The following APCDD1 variants were observed in gnomAD, a reference collection of about 807,000 sequenced individuals.
APCDD1 encodes the protein protein APCDD1.
In APCDD1, 15 loss-of-function variants were observed where a neutral mutation model predicts 38.1. That is an observed-to-expected ratio of 0.39 (90% CI 0.26 to 0.61). The LOEUF (loss-of-function observed/expected upper bound fraction) is 0.61. Ranked by LOEUF, APCDD1 falls within the 20% of genes least tolerant of loss-of-function variation. The pLI, the probability that APCDD1 is intolerant of heterozygous loss-of-function variation, is 0.49. For synonymous variants in APCDD1, 261 were observed against 279.7 expected, an observed-to-expected ratio of 0.93 and a Z score of 0.67; for missense variants, 647 against 696.2, an observed-to-expected ratio of 0.93 and a Z score of 0.79.
intron 3 of APCDD1, among the ~76,000 whole-genome samples, chr18:10,480,160 G>T (rs2031101068): frequency 1.3e-5 from 2 of 152,154 alleles, no homozygotes; most frequent in Admixed American, 1.3e-4. Context: ...GTGAGCCTGG[G>T]AGAGGACACT....
At chr18:10,463,763 G>C (rs1180270432) in intron 1 of APCDD1, among the ~76,000 whole-genome samples, 1 of 152,148 alleles carries the variant, frequency 6.6e-6, no homozygotes. Flanking sequence ...ATTTAATTTT[G>C]CTCCTTAAGA....
chr18:10,474,117 T>G (rs903090404), intron 3 of APCDD1: 1 of 152,074 alleles, frequency 6.6e-6, no homozygotes, highest in African/African-American at 2.4e-5. Context: ...GGAGATGGGG[T>G]TTCACCATGT....
chr18:10,454,997 C>G lies in APCDD1; in HGVS notation c.16C>G (p.Arg6Gly). 2 of 1,557,884 alleles carry G rather than the reference C, an allele frequency of 1.3e-6. No homozygotes were observed. The highest frequency in any genetic ancestry group is 1.7e-6 in the Non-Finnish European group (2 of 1,151,436). Reference protein sequence around the residue: MSWPRRLLLRYLFPAL... With the variant: MSWPRGLLLRYLFPAL... Reference sequence around the variant, plus strand: ...AGGACTGGAAATGTCCTGGCCGCGCCGCCTCCTGCTCAGATACCTGTTCCC... The same window carrying G: ...AGGACTGGAAATGTCCTGGCCGCGCGGCCTCCTGCTCAGATACCTGTTCCC... Residue 6 changes from arginine to glycine, a missense_variant, in exon 1 of 5, where the codon CGC (arginine) becomes GGC (glycine). Transcript: ENST00000355285.
intron 3 of APCDD1, among the ~76,000 whole-genome samples, chr18:10,473,668 C>G (rs557708425): frequency 1.9e-4 from 29 of 152,270 alleles, no homozygotes; most frequent in African/African-American, 7.0e-4. Context: ...AGGGTGATAC[C>G]TGGACTGGGG....
At position 10,467,037 on chromosome 18, in the gene APCDD1, C is replaced by T. The variant is rs1307527402; in HGVS notation, c.59-1432C>T. ...TACTTAGAGGGAAAATCTGGGAGTT[C>T]AGATACGGAAAATTCTGTCTTCTCA... is the stretch of plus-strand genomic sequence containing the variant. On this transcript the variant is annotated intron_variant, in intron 1 of 4. Coordinates refer to ENST00000355285, the MANE Select transcript of APCDD1 (RefSeq NM_153000.5). The surrounding 1 kb of genome is among the most constrained non-coding windows in gnomAD (Gnocchi z 4.8). Among the ~76,000 whole-genome samples, 1 of 152,178 alleles carries T rather than the reference C, an allele frequency of 6.6e-6. No individual in the cohort carries two copies. The highest frequency in any genetic ancestry group is 1.5e-5 in the Non-Finnish European group (1 of 68,028).
At chr18:10,484,725 T>C (rs2031212076) in intron 3 of APCDD1, among the ~76,000 whole-genome samples, 1 of 152,238 alleles carries the variant, frequency 6.6e-6, no homozygotes, top group African/African-American at 2.4e-5. Context: ...CCAAGGTTCA[T>C]CCCTATTGTA....
At chr18:10,486,128 G>A (rs2143565099) in intron 4 of APCDD1, among the ~76,000 whole-genome samples, 1 of 152,320 alleles carries the variant, frequency 6.6e-6, no homozygotes, top group East Asian at 1.9e-4. Flanking sequence ...AAGGCAGGAG[G>A]ATCTCATGAG....
At chr18:10,484,980 TTTTTG>T (rs781499849) in intron 3 of APCDD1, among the ~76,000 whole-genome samples, 1,853 of 152,270 alleles carry the variant, frequency 0.012, 36 homozygotes, top group African/African-American at 0.04. Context: ...GTTTTGTTGT[TTTTTG>T]TTTTGTTTTG....
Position 10,485,848 on chromosome 18 carries a change from G to T in APCDD1, c.1096+65G>T. ...AACAGCCCTGTGACATTTTTGTGGAGGCAGAGCTGAGGGAAAGGACCTCTT... is the reference window on the plus strand; with the variant it reads ...AACAGCCCTGTGACATTTTTGTGGATGCAGAGCTGAGGGAAAGGACCTCTT... On this transcript the variant is annotated intron_variant, in intron 4 of 4. Coordinates refer to ENST00000355285, the MANE Select transcript of APCDD1 (RefSeq NM_153000.5). This position sits in a 1 kb window ranked among gnomAD's most constrained non-coding sequence, Gnocchi z 5.8. 6.4e-7 allele frequency: 1 copy of T among 1,557,758 alleles called. No individual in the cohort carries two copies.
chr18:10,460,814 T>C (rs1388843113), intron 1 of APCDD1, among the ~76,000 whole-genome samples: 2 of 152,140 alleles, frequency 1.3e-5, no homozygotes. Context: ...TAGCACACCA[T>C]GGGTTTAGGA....
intron 4 of APCDD1, 37 bp from the exon 5 acceptor site, chr18:10,487,553 T>G (rs2143567558): frequency 6.2e-7 from 1 of 1,605,100 alleles, no homozygotes; most frequent in Middle Eastern, 1.7e-4. Context: ...CCACGCCTAC[T>G]CCCTGGAGTC....
In APCDD1 at chr18:10,487,658, G is replaced by A. The variant is rs773767949; in HGVS notation, c.1165G>A (p.Glu389Lys). The A allele has an allele frequency of 6.2e-7, 1 of 1,614,196 alleles. No individual in the cohort carries two copies. The highest frequency in any genetic ancestry group is 1.7e-5 in the Admixed American group (1 of 60,032). The change falls in exon 5 of 5, where the codon GAG becomes AAG. Residue 389 changes from glutamate to lysine, a missense_variant. Physicochemically the swap from Glu to Lys is moderately conservative, Grantham distance 56 (BLOSUM62 1). Coordinates refer to ENST00000355285, the MANE Select transcript of APCDD1 (RefSeq NM_153000.5). ...ACTGCTCAACGTCTTCAACGGGAAT[G>A]AGTGCGGGGCCGAGGGCTCCTGGCA... is the stretch of plus-strand genomic sequence containing the variant. ...ASLLNVFNGNECGAEGSWQVG... is the reference protein window; with the variant it reads ...ASLLNVFNGNKCGAEGSWQVG...
rs539412 is a variant in APCDD1 at position 10,468,456 on chromosome 18, C to T, written c.59-13C>T. On this transcript the variant is annotated splice_polypyrimidine_tract_variant and intron_variant, in intron 1 of 4. Transcript: ENST00000355285. ...CTTCTTCTTTTGGCTAACTTTCCACCTTTATTTTTCAGGGCTGGGAGAGGG... is the reference window on the plus strand; with the variant it reads ...CTTCTTCTTTTGGCTAACTTTCCACTTTTATTTTTCAGGGCTGGGAGAGGG... 582,540 of 1,613,496 alleles carry T rather than the reference C, an allele frequency of 0.36. 108,673 individuals carry two copies. The highest frequency in any genetic ancestry group is 0.67 in the East Asian group (30,019 of 44,880).
chr18:10,482,665 C>T (rs1285665540), intron 3 of APCDD1, among the ~76,000 whole-genome samples: 1 of 152,152 alleles, frequency 6.6e-6, no homozygotes, highest in African/African-American at 2.4e-5. Flanking sequence ...AATCCAAGTT[C>T]CCAGCCAGTG....
chr18:10,459,026 G>A (rs541690117), intron 1 of APCDD1, among the ~76,000 whole-genome samples: 1 of 152,270 alleles, frequency 6.6e-6, no homozygotes, highest in East Asian at 1.9e-4. Context: ...AAAGGATATG[G>A]TATCATCCTA....
chr18:10,473,121 T>C (rs912969954), intron 3 of APCDD1, among the ~76,000 whole-genome samples: 1 of 152,224 alleles, frequency 6.6e-6, no homozygotes, highest in Non-Finnish European at 1.5e-5. Context: ...TTAAAAATCT[T>C]TTTTCTTATT....
At chr18:10,474,218 G>T (rs9952934) in intron 3 of APCDD1, 68,043 of 151,872 alleles carry the variant, frequency 0.45, 15,809 homozygotes, top group African/African-American at 0.55. Flanking sequence ...GCCACCGTCC[G>T]CCCGGCCGCC....
In APCDD1 at chr18:10,464,486, G is replaced by C. The variant is rs559615096; in HGVS notation, c.59-3983G>C. 1.6e-4 allele frequency among the ~76,000 whole-genome samples: 25 copies of C among 152,160 alleles called. 1 individual carries two copies. Among genetic ancestry groups the C allele is most frequent in the East Asian group, 7.7e-4 (4 of 5,186 alleles). Reference sequence around the variant, plus strand: ...CACCCAGGCTGGAGTGCAGTGGTGCGATCATAGCTCACTGCAGCCTTGAAC... The same window carrying C: ...CACCCAGGCTGGAGTGCAGTGGTGCCATCATAGCTCACTGCAGCCTTGAAC... On this transcript the variant is annotated intron_variant, in intron 1 of 4. Transcript: ENST00000355285.
chr18:10,467,456 A>C lies in APCDD1; in HGVS notation c.59-1013A>C, dbSNP rs1027824651. Among the ~76,000 whole-genome samples the C allele has an allele frequency of 6.6e-6, 1 of 152,218 alleles. No individual in the cohort carries two copies. The highest frequency in any genetic ancestry group is 1.5e-5 in the Non-Finnish European group (1 of 68,038). The stretch of plus-strand genomic sequence containing the variant: ...CGCCATAAATGCCTGTTGATTTGTT[A>C]ATCACTTCAGGAGTGAATATCAGAG... On this transcript the variant is annotated intron_variant, in intron 1 of 4. Transcript: ENST00000355285. This position sits in a 1 kb window ranked among gnomAD's most constrained non-coding sequence, Gnocchi z 4.8.
Sources: gnomAD v4.1 joint callset for allele counts (sites outside exome capture counted in the v4.1 genomes callset) on GRCh38, gnomAD v4.1.1 for gene constraint, Gnocchi (gnomAD v3.1) non-coding constraint, MANE v1.5 for transcripts, NCBI Gene and HGNC (gene_info 2026-07-23, HGNC 2026-07-21) for gene names.